The following WNK2 variants were observed in gnomAD, a reference collection of about 807,000 sequenced individuals.
The protein encoded by WNK2 is WNK lysine deficient protein kinase 2.
Under a neutral mutation model 192.1 loss-of-function variants are expected in WNK2, and 67 were observed. The ratio of observed to expected loss-of-function variants is 0.35; its 90% CI spans 0.29 to 0.43. The LOEUF is 0.43. Among genes scored for constraint, WNK2 ranks in the 20% least tolerant of loss-of-function variants. WNK2 has a pLI of 1.00. For synonymous variants in WNK2, 1,439 were observed against 1,393.9 expected, an observed-to-expected ratio of 1.03 and a Z score of -0.72; for missense variants, 2,698 against 3,089.7, an observed-to-expected ratio of 0.87 and a Z score of 3.01.
At chr9:93,272,389 A>G (rs1369644237) in intron 19 of WNK2, among the ~76,000 whole-genome samples, 1 of 152,236 alleles carries the variant, frequency 6.6e-6, no homozygotes, top group African/African-American at 2.4e-5. Flanking sequence ...CAACCACTGA[A>G]AGAATTATAC....
chr9:93,211,136 A>G (rs1834461022), intron 2 of WNK2, among the ~76,000 whole-genome samples: 1 of 151,430 alleles, frequency 6.6e-6, no homozygotes, highest in Non-Finnish European at 1.5e-5. Flanking sequence ...TCACTTACTC[A>G]TCCACTCACT....
In WNK2 at chr9:93,259,031, T is replaced by C. The variant is rs1235725050; in HGVS notation, c.2483T>C (p.Val828Ala). The change falls in exon 12 of 30, where the codon GTG (valine) becomes GCG (alanine). Residue 828 changes from valine (V) to alanine (A), a missense_variant. Coordinates refer to ENST00000427277, the MANE Select transcript of WNK2 (RefSeq NM_006648.4). This position sits in a 1 kb window ranked among gnomAD's most constrained non-coding sequence, Gnocchi z 4.8. Reference protein sequence around the residue: ...PDLPTATVPPVPPPQYFSPAV... With the variant: ...PDLPTATVPPAPPPQYFSPAV... ...CTGCCGACCGCGACTGTGCCTCCCG[T>C]GCCACCACCTCAGTATTTCTCTCCA... is the stretch of plus-strand genomic sequence containing the variant. The C allele has an allele frequency of 6.2e-7, 1 of 1,612,832 alleles. No homozygotes were observed. The highest frequency in any genetic ancestry group is 8.5e-7 in the Non-Finnish European group (1 of 1,179,714).
At chr9:93,220,144 G>A (rs945464881) in intron 2 of WNK2, among the ~76,000 whole-genome samples, 1 of 152,220 alleles carries the variant, frequency 6.6e-6, no homozygotes, top group African/African-American at 2.4e-5. Flanking sequence ...TCTGGAGGCA[G>A]GTGTACCACC....
intron 2 of WNK2, among the ~76,000 whole-genome samples, chr9:93,192,547 C>T (rs1232196304): frequency 1.3e-5 from 2 of 150,642 alleles, no homozygotes; most frequent in Admixed American, 1.3e-4. Context: ...TGGGTAGGCA[C>T]CCCAGGAGTG....
chr9:93,235,896 G>A (rs563656167), intron 5 of WNK2, among the ~76,000 whole-genome samples: 8 of 152,322 alleles, frequency 5.3e-5, no homozygotes, highest in African/African-American at 1.7e-4. Flanking sequence ...TCCATCCCGA[G>A]CCCTCCTTGC....
At chr9:93,224,545 G>GGCTTT (rs1408157848) in intron 2 of WNK2, among the ~76,000 whole-genome samples, 3 of 152,196 alleles carry the variant, frequency 2.0e-5, no homozygotes, top group African/African-American at 7.2e-5. Flanking sequence ...GCCCTTGAGG[G>GGCTTT]GCTTTGCTGC....
rs531113543 is a variant in WNK2 at position 93,226,051 on chromosome 9, G to A, written c.682-3645G>A. 6.6e-5 allele frequency among the ~76,000 whole-genome samples: 10 copies of A among 152,264 alleles called. No individual in the cohort carries two copies. The South Asian group carries it at 1.5e-3, about 22-fold the overall frequency. The stretch of plus-strand genomic sequence containing the variant: ...GCATGTCTGAAAACGAGTCTGGACC[G>A]CCTGGCTTGGTGTCCGTTTGACAGC... On this transcript the variant is annotated intron_variant, in intron 2 of 29. Transcript: ENST00000427277.
chr9:93,289,674 G>T, intron 20 of WNK2, 54 bp downstream of exon 20: 1 of 1,417,304 alleles, frequency 7.1e-7, no homozygotes, highest in Non-Finnish European at 9.2e-7. Context: ...GCCGGAGCCC[G>T]GGCGCAGGCC....
At chr9:93,236,109 AG>A (rs1021108091) in intron 5 of WNK2, among the ~76,000 whole-genome samples, 90 of 152,304 alleles carry the variant, frequency 5.9e-4, no homozygotes, top group African/African-American at 1.9e-3. Context: ...GGCTGTGTGC[AG>A]CGGCCCTCCA....
At chr9:93,287,432 G>A (rs1307572324) in intron 19 of WNK2, among the ~76,000 whole-genome samples, 2 of 152,210 alleles carry the variant, frequency 1.3e-5, no homozygotes, top group Admixed American at 6.5e-5. Flanking sequence ...CAGAATGGAT[G>A]CGTGCATCAT....
intron 7 of WNK2, among the ~76,000 whole-genome samples, chr9:93,243,697 G>A (rs776188962): frequency 2.0e-5 from 3 of 152,162 alleles, no homozygotes; most frequent in Non-Finnish European, 4.4e-5. Context: ...TGTGTGCCCC[G>A]GCAGGTTGAC....
intron 24 of WNK2, 42 bp from the exon 25 acceptor site, chr9:93,299,028 C>A: frequency 6.3e-7 from 1 of 1,577,578 alleles, no homozygotes; most frequent in Non-Finnish European, 8.6e-7. Flanking sequence ...CCCGACCCGG[C>A]GGCGCCTCAT....
At chr9:93,288,423 T>C (rs1848757387) in intron 19 of WNK2, among the ~76,000 whole-genome samples, 1 of 152,256 alleles carries the variant, frequency 6.6e-6, no homozygotes. Flanking sequence ...TTTCTGGAGC[T>C]GTCTGTGCGG....
intron 29 of WNK2, 113 bp downstream of exon 29, chr9:93,317,744 G>A: frequency 6.7e-7 from 1 of 1,483,682 alleles, no homozygotes; most frequent in Non-Finnish European, 9.1e-7. Flanking sequence ...AGGTGGGCCA[G>A]CTGGGGGCAC....
In WNK2 at chr9:93,247,631, A is replaced by T. The variant is rs77609004; in HGVS notation, c.1631A>T (p.Glu544Val). Reference sequence around the variant, plus strand: ...GTGGCCTTGATCCAGTGGCGGCGGGAGAGGATCTGGCCCGCGCTGCAGCCC... The same window carrying T: ...GTGGCCTTGATCCAGTGGCGGCGGGTGAGGATCTGGCCCGCGCTGCAGCCC... ...DRVALIQWRR[E>V]RIWPALQPKE... Residue 544 changes from glutamate to valine, a missense_variant, in exon 8 of 30, where the codon GAG (glutamate) becomes GTG (valine). Glu to Val is a moderately radical substitution (Grantham distance 121). This residue lies in a region of WNK2 where 230 missense variants were observed against 501.1 expected (regional missense o/e 0.46). Transcript: ENST00000427277. The surrounding 1 kb of genome is among the most constrained non-coding windows in gnomAD (Gnocchi z 5.2). 3 of 1,595,484 alleles carry T rather than the reference A, an allele frequency of 1.9e-6. No homozygotes were observed. The highest frequency in any genetic ancestry group is 2.3e-5 in the South Asian group (2 of 87,910).
At chr9:93,312,057 T>A (rs757572235) in intron 28 of WNK2, among the ~76,000 whole-genome samples, 9 of 152,246 alleles carry the variant, frequency 5.9e-5, no homozygotes, top group Admixed American at 2.0e-4. Flanking sequence ...GCTGTTTCTA[T>A]GTCTTCCTTG....
intron 28 of WNK2, among the ~76,000 whole-genome samples, chr9:93,310,519 A>C (rs968758380): frequency 2.0e-5 from 3 of 152,160 alleles, no homozygotes; most frequent in African/African-American, 7.2e-5. Context: ...CAGTGGCATG[A>C]AGTACATTCA....
At position 93,184,926 on chromosome 9, in the gene WNK2, A is replaced by G; in HGVS notation, c.-2-2A>G. 1 of 1,185,288 alleles carries G rather than the reference A, an allele frequency of 8.4e-7. No individual in the cohort carries two copies. Among genetic ancestry groups the G allele is most frequent in the Non-Finnish European group, 1.0e-6 (1 of 959,672 alleles). The allele number at this position is 1,185,288 out of a possible 1,614,324, so 73.4% of individuals were successfully genotyped here. A position where few individuals can be genotyped will look rare whatever the true frequency, so the allele number is the denominator to read the frequency against. ...GCGGGCCTGTGTGTCCTTGGCCCAC[A>G]GAGATGGACGGCGATGGCGGCCGCC... On this transcript the variant is annotated splice_acceptor_variant, in intron 1 of 29. Transcript: ENST00000427277. LOFTEE classifies it low-confidence loss of function (5UTR_SPLICE).
intron 7 of WNK2, among the ~76,000 whole-genome samples, chr9:93,246,279 C>T (rs1841667453): frequency 6.6e-6 from 1 of 152,210 alleles, no homozygotes; most frequent in African/African-American, 2.4e-5. Context: ...CTCATCCTGT[C>T]CTTCTCCTGC....
Sources: allele counts gnomAD v4.1 joint callset (sites outside exome capture counted in the v4.1 genomes callset), GRCh38; gene constraint gnomAD v4.1.1; regional missense constraint gnomAD v4.1.1; non-coding constraint Gnocchi (gnomAD v3.1); transcripts MANE v1.5; gene names NCBI Gene and HGNC (gene_info 2026-07-23, HGNC 2026-07-21).